KIF26B: variants seen among roughly 807,000 people sequenced by gnomAD.
The protein encoded by KIF26B is kinesin family member 26B, also known as kinesin-like protein KIF26B.
In KIF26B, 63 loss-of-function variants were observed where a neutral mutation model predicts 151.2. That is an observed-to-expected ratio of 0.42 (90% CI 0.34 to 0.51). The LOEUF (loss-of-function observed/expected upper bound fraction) is 0.51, where lower values mean the gene tolerates loss of function less well. Ranked by LOEUF, KIF26B falls within the 20% of genes least tolerant of loss-of-function variation. The pLI is 0.07. For missense variants in KIF26B, 2,813 were observed against 2,913.6 expected, an observed-to-expected ratio of 0.97 and a Z score of 0.79; for synonymous variants, 1,357 against 1,262.1, an observed-to-expected ratio of 1.08 and a Z score of -1.59.
At chr1:245,158,016 C>T (rs1668474195) in intron 2 of KIF26B, among the ~76,000 whole-genome samples, 1 of 152,162 alleles carries the variant, frequency 6.6e-6, no homozygotes, top group Non-Finnish European at 1.5e-5. Flanking sequence ...ATACAGATAA[C>T]AACCACAAAA....
intron 3 of KIF26B, among the ~76,000 whole-genome samples, chr1:245,398,079 AC>A (rs1247007591): frequency 6.6e-5 from 10 of 152,134 alleles, no homozygotes; most frequent in Non-Finnish European, 1.0e-4. Context: ...CTGAATGAAT[AC>A]CCTGAAAAAT....
At chr1:245,237,357 C>T (rs2103558282) in intron 2 of KIF26B, among the ~76,000 whole-genome samples, 1 of 152,276 alleles carries the variant, frequency 6.6e-6, no homozygotes, top group South Asian at 2.1e-4. Context: ...CTGGTCTGCC[C>T]TCCTGCCACC....
chr1:245,673,661 A>G (rs2044322588), intron 10 of KIF26B: 1 of 152,280 alleles, frequency 6.6e-6, no homozygotes, highest in African/African-American at 2.4e-5. Context: ...AAAATGCCAC[A>G]TCAAATATAA....
At chr1:245,491,650 A>G (rs1660411758) in intron 4 of KIF26B, among the ~76,000 whole-genome samples, 1 of 152,200 alleles carries the variant, frequency 6.6e-6, no homozygotes. Context: ...TCTCACGCCT[A>G]TCATCTCAGC....
At chr1:245,617,568 C>G (rs1247647357) in intron 9 of KIF26B, among the ~76,000 whole-genome samples, 3 of 152,234 alleles carry the variant, frequency 2.0e-5, no homozygotes, top group African/African-American at 7.2e-5. Context: ...ACAGCCAGTC[C>G]CCTGCTGTCC....
chr1:245,294,863 A>G (rs1169734987), intron 2 of KIF26B, among the ~76,000 whole-genome samples: 1 of 151,980 alleles, frequency 6.6e-6, no homozygotes, highest in South Asian at 2.1e-4. Context: ...GGGTTTCACG[A>G]TGTTGGCCAG....
intron 5 of KIF26B, among the ~76,000 whole-genome samples, chr1:245,593,920 C>T (rs1234933902): frequency 6.6e-6 from 1 of 152,100 alleles, no homozygotes. Context: ...CCCTAATGAC[C>T]AGTGATGATG....
chr1:245,460,624 T>C (rs533917583), intron 4 of KIF26B, among the ~76,000 whole-genome samples: 2 of 152,226 alleles, frequency 1.3e-5, no homozygotes, highest in African/African-American at 4.8e-5. Flanking sequence ...AAAAGTCACT[T>C]GGCAAAGAAA....
chr1:245,484,147 A>G (rs1660225798), intron 4 of KIF26B, among the ~76,000 whole-genome samples: 1 of 151,744 alleles, frequency 6.6e-6, no homozygotes, highest in South Asian at 2.1e-4. Context: ...TTACCTTCAT[A>G]TCTTCTCTTT....
intron 2 of KIF26B, among the ~76,000 whole-genome samples, chr1:245,184,911 G>C (rs1230918745): frequency 6.6e-6 from 1 of 152,168 alleles, no homozygotes; most frequent in Non-Finnish European, 1.5e-5. Context: ...CGTCTTGCTT[G>C]CACTGCAGAA....
At chr1:245,196,645 G>C (rs573637160) in intron 2 of KIF26B, among the ~76,000 whole-genome samples, 1 of 152,140 alleles carries the variant, frequency 6.6e-6, no homozygotes, top group African/African-American at 2.4e-5. Flanking sequence ...AGCCAGACAG[G>C]TGTGGCTTAA....
chr1:245,177,585 C>T (rs981818708), intron 2 of KIF26B, among the ~76,000 whole-genome samples: 2 of 151,936 alleles, frequency 1.3e-5, no homozygotes, highest in Admixed American at 6.6e-5. Context: ...GTTGCTGTAG[C>T]GCCATTATTT....
At chr1:245,271,885 G>A (rs1670861911) in intron 2 of KIF26B, among the ~76,000 whole-genome samples, 1 of 152,166 alleles carries the variant, frequency 6.6e-6, no homozygotes, top group Non-Finnish European at 1.5e-5. Context: ...GTTTGGAAGT[G>A]TTCCCTTCTC....
At chr1:245,462,040 G>A (rs1659659916) in intron 4 of KIF26B, among the ~76,000 whole-genome samples, 1 of 152,178 alleles carries the variant, frequency 6.6e-6, no homozygotes, top group Non-Finnish European at 1.5e-5. Context: ...GGCTGAGGCA[G>A]GAGGCCAGGA....
intron 9 of KIF26B, among the ~76,000 whole-genome samples, chr1:245,614,109 C>T (rs1572158842): frequency 6.6e-6 from 1 of 152,108 alleles, no homozygotes; most frequent in Non-Finnish European, 1.5e-5. Flanking sequence ...TGAGACTCCC[C>T]CATGCTGCAG....
intron 4 of KIF26B, among the ~76,000 whole-genome samples, chr1:245,482,715 G>A (rs919827047): frequency 6.6e-6 from 1 of 151,800 alleles, no homozygotes; most frequent in South Asian, 2.1e-4. Context: ...TACATTCCCC[G>A]CTTCCCTCCT....
At position 245,156,503 on chromosome 1, in the gene KIF26B, T is replaced by G; in HGVS notation, c.285T>G (p.Ser95Arg). ...PGPASPGIGT[S>R]SPGSLGGSPG... is the part of the protein sequence containing the mutation. The stretch of plus-strand genomic sequence containing the variant: ...CCGCCTCCCCCGGCATCGGCACTAG[T>G]TCGCCGGGCTCCTTGGGCGGCTCTC... The change falls in exon 2 of 15, where the codon AGT becomes AGG. Residue 95 changes from serine (S) to arginine (R), a missense_variant. Transcript: ENST00000407071. 6.5e-7 allele frequency: 1 copy of G among 1,528,080 alleles called. No individual in the cohort carries two copies. The highest frequency in any genetic ancestry group is 8.8e-7 in the Non-Finnish European group (1 of 1,141,002). The allele number at this position is 1,528,080 out of a possible 1,614,324, so 94.7% of individuals were successfully genotyped here.
intron 4 of KIF26B, among the ~76,000 whole-genome samples, chr1:245,461,850 A>C (rs1054168720): frequency 6.6e-6 from 1 of 152,168 alleles, no homozygotes; most frequent in Non-Finnish European, 1.5e-5. Flanking sequence ...ATGGTGACTC[A>C]TGCCAGTAAT....
At chr1:245,506,356 A>G (rs577428914) in intron 4 of KIF26B, among the ~76,000 whole-genome samples, 1 of 152,336 alleles carries the variant, frequency 6.6e-6, no homozygotes, top group Admixed American at 6.5e-5. Context: ...TGATAGCCCT[A>G]TAAAGTAATA....
Sources: gnomAD v4.1 joint callset for allele counts (sites outside exome capture counted in the v4.1 genomes callset) on GRCh38, gnomAD v4.1.1 for gene constraint, MANE v1.5 for transcripts, NCBI Gene and HGNC (gene_info 2026-07-23, HGNC 2026-07-21) for gene names.